ENPP3: variants seen among roughly 807,000 people sequenced by gnomAD.
ENPP3 encodes ectonucleotide pyrophosphatase/phosphodiesterase 3.
ENPP3 carries 104 observed loss-of-function variants against 117.8 expected under a neutral mutation model. The ratio of observed to expected loss-of-function variants is 0.88; its 90% CI spans 0.75 to 1.04. The LOEUF (loss-of-function observed/expected upper bound fraction) is 1.04. ENPP3 is among the 50% of genes least tolerant of loss of function. The pLI is 0.00. For synonymous variants in ENPP3, 380 were observed against 349.9 expected (o/e 1.09, Z -0.96); for missense variants, 1,026 against 1,051.9 (o/e 0.98, Z 0.34).
intron 16 of ENPP3, among the ~76,000 whole-genome samples, 160 bp downstream of exon 16, chr6:131,718,898 G>A (rs149345509): frequency 9.9e-5 from 15 of 152,226 alleles, no homozygotes; most frequent in Admixed American, 6.5e-4. Context: ...TTTTAAAACA[G>A]ATATTTATTG....
At chr6:131,675,339 G>T (rs1007784729) in intron 9 of ENPP3, 150 bp downstream of exon 9, 2 of 590,858 alleles carry the variant, frequency 3.4e-6, no homozygotes, top group Non-Finnish European at 3.0e-6. Context: ...TGTCACTCAA[G>T]CAGTCTCTCA....
intron 2 of ENPP3, among the ~76,000 whole-genome samples, chr6:131,644,818 G>A (rs1490926629): frequency 6.6e-6 from 1 of 152,172 alleles, no homozygotes; most frequent in Non-Finnish European, 1.5e-5. Context: ...AATTGGGGAG[G>A]TGAAGGGGAA....
chr6:131,746,952 T>G lies in ENPP3; in HGVS notation c.2624T>G (p.Ile875Ser). Residue 875 changes from isoleucine (I) to serine (S), a missense_variant, in exon 25 of 25, where the codon ATT becomes AGT. Ile to Ser is a moderately radical substitution (Grantham distance 142). Coordinates refer to ENST00000357639, the MANE Select transcript of ENPP3 (RefSeq NM_005021.5). ...TATTTACCAACATTTGAAACCACTATTTAACTTAATAATGTCTACTTAATA... is the reference window on the plus strand; with the variant it reads ...TATTTACCAACATTTGAAACCACTAGTTAACTTAATAATGTCTACTTAATA... ...KTYLPTFETTI is the reference protein window; with the variant it reads ...KTYLPTFETTS 1 of 1,573,198 alleles carries G rather than the reference T, an allele frequency of 6.4e-7. No homozygotes were observed. Among genetic ancestry groups the G allele is most frequent in the Middle Eastern group, 1.7e-4 (1 of 5,978 alleles).
chr6:131,702,464 T>C (rs1341872190), intron 15 of ENPP3, among the ~76,000 whole-genome samples: 1 of 151,146 alleles, frequency 6.6e-6, no homozygotes, highest in Non-Finnish European at 1.5e-5. Flanking sequence ...TAGATGAGCA[T>C]TTATGTGAAT....
At chr6:131,717,713 CATAATT>C (rs1779928731) in intron 15 of ENPP3, among the ~76,000 whole-genome samples, 1 of 151,942 alleles carries the variant, frequency 6.6e-6, no homozygotes, top group South Asian at 2.1e-4. Flanking sequence ...CAAAGGTAAA[CATAATT>C]ATAATAATAA....
intron 6 of ENPP3, among the ~76,000 whole-genome samples, chr6:131,666,768 A>G (rs867395182): frequency 6.6e-6 from 1 of 152,204 alleles, no homozygotes; most frequent in South Asian, 2.1e-4. Flanking sequence ...ATATTTCCCC[A>G]TTTACTCATT....
chr6:131,734,430 G>A (rs1780351801), intron 21 of ENPP3, among the ~76,000 whole-genome samples: 1 of 152,084 alleles, frequency 6.6e-6, no homozygotes, highest in South Asian at 2.1e-4. Flanking sequence ...CACCTTCTTA[G>A]AGATTTGTAA....
At chr6:131,719,553 A>G (rs1417372160) in intron 16 of ENPP3, among the ~76,000 whole-genome samples, 3 of 152,170 alleles carry the variant, frequency 2.0e-5, no homozygotes, top group Admixed American at 6.6e-5. Flanking sequence ...GAGCTTTACT[A>G]TTAATTGGGG....
chr6:131,675,034 A>G (rs1009279025), intron 8 of ENPP3, 46 bp from the exon 9 acceptor site: 1 of 1,132,824 alleles, frequency 8.8e-7, no homozygotes, highest in African/African-American at 1.5e-5. Flanking sequence ...CACCATTTCT[A>G]CCCAAAGTAA....
intron 15 of ENPP3, among the ~76,000 whole-genome samples, chr6:131,694,971 G>A (rs924634775): frequency 1.5e-5 from 2 of 133,634 alleles, no homozygotes; most frequent in Non-Finnish European, 3.1e-5. Context: ...AGCCTATTCT[G>A]TAAGATAACC....
At chr6:131,721,729 T>G (rs1329549248) in intron 17 of ENPP3, among the ~76,000 whole-genome samples, 2 of 152,224 alleles carry the variant, frequency 1.3e-5, no homozygotes, top group Non-Finnish European at 2.9e-5. Context: ...AGGAAGATTA[T>G]AAATTATTTA....
chr6:131,674,397 C>T lies in ENPP3; in HGVS notation c.762+116C>T, dbSNP rs775757083. On this transcript the variant is annotated intron_variant, in intron 8 of 24. Coordinates refer to ENST00000357639, the MANE Select transcript of ENPP3 (RefSeq NM_005021.5). ...ATGTCACCCATCTAGTTTCTAAGGG[C>T]TGAGGGTGCAAAGGTGTTTTACCAC... 6.9e-6 allele frequency: 7 copies of T among 1,012,276 alleles called. No homozygotes were observed. In the East Asian group the frequency reaches 1.7e-4, roughly 24 times the overall value. 62.7% of individuals were successfully genotyped at this position (1,012,276 alleles called of 1,614,324 possible).
Position 131,666,476 on chromosome 6 carries a change from C to T in ENPP3, c.563-4772C>T, listed in dbSNP as rs1269071647. On this transcript the variant is annotated intron_variant, in intron 6 of 24. Coordinates refer to ENST00000357639, the MANE Select transcript of ENPP3 (RefSeq NM_005021.5). ...CTTTCTCTTTTTCTTCTCCGGAAAACCCCATCATGCATATATTAATCCACA... is the reference window on the plus strand; with the variant it reads ...CTTTCTCTTTTTCTTCTCCGGAAAATCCCATCATGCATATATTAATCCACA... Among the ~76,000 whole-genome samples the T allele has an allele frequency of 3.9e-5, 6 of 152,132 alleles. No homozygotes were observed. In the East Asian group the frequency reaches 1.2e-3, roughly 29 times the overall value.
intron 15 of ENPP3, chr6:131,708,916 A>T (rs1779709454): frequency 6.2e-7 from 1 of 1,606,984 alleles, no homozygotes; most frequent in Admixed American, 1.7e-5. Flanking sequence ...TGGACCGCTG[A>T]TTGGAGCAAG....
intron 15 of ENPP3, among the ~76,000 whole-genome samples, chr6:131,695,284 CT>C (rs1190982670): frequency 6.6e-6 from 1 of 152,174 alleles, no homozygotes; most frequent in Non-Finnish European, 1.5e-5. Flanking sequence ...AGTTAGGTCA[CT>C]GGTACAGAAG....
At chr6:131,725,630 A>G (rs906702991) in intron 19 of ENPP3, among the ~76,000 whole-genome samples, 6 of 152,160 alleles carry the variant, frequency 3.9e-5, no homozygotes, top group Admixed American at 6.5e-5. Flanking sequence ...AAATTCCAAC[A>G]TCTTCCCTAT....
chr6:131,743,834 T>TAAAATAAAAA, intron 24 of ENPP3, among the ~76,000 whole-genome samples: 1 of 151,292 alleles, frequency 6.6e-6, no homozygotes, highest in East Asian at 1.9e-4. Context: ...CAAAATAAAA[T>TAAAATAAAAA]AAAATAAAAT....
intron 2 of ENPP3, among the ~76,000 whole-genome samples, chr6:131,644,338 A>G (rs1455519240): frequency 6.6e-6 from 1 of 152,150 alleles, no homozygotes; most frequent in Non-Finnish European, 1.5e-5. Context: ...TTATGAATAG[A>G]TAGTAGAGTG....
chr6:131,725,025 A>G (rs1444318888), intron 19 of ENPP3, among the ~76,000 whole-genome samples: 3 of 150,328 alleles, frequency 2.0e-5, no homozygotes, highest in Admixed American at 6.7e-5. Context: ...CCTGGCCAAC[A>G]TGGTGAAACC....
Sources: allele counts gnomAD v4.1 joint callset (sites outside exome capture counted in the v4.1 genomes callset), GRCh38; gene constraint gnomAD v4.1.1; transcripts MANE v1.5; gene names NCBI Gene and HGNC (gene_info 2026-07-23, HGNC 2026-07-21).